Variants in ADCY4 observed in about 807,000 individuals in gnomAD.
The protein encoded by ADCY4 is adenylate cyclase type 4.
ADCY4 carries 111 observed loss-of-function variants against 125.5 expected under a neutral mutation model. That is an observed-to-expected ratio of 0.88 (90% CI 0.76 to 1.04). ADCY4 has a LOEUF of 1.04. Ranked by LOEUF, ADCY4 falls within the 50% of genes least tolerant of loss-of-function variation. ADCY4 has a pLI of 0.00. For missense variants in ADCY4, 1,256 were observed against 1,382.9 expected (o/e 0.91, Z 1.46); for synonymous variants, 576 against 586.9 (o/e 0.98, Z 0.27).
intron 4 of ADCY4, 115 bp downstream of exon 4, chr14:24,331,673 G>A (rs3181256): frequency 0.65 from 873,014 of 1,348,774 alleles, 288,763 homozygotes; most frequent in Middle Eastern, 0.7. Context: ...ATACAAAAGA[G>A]GAAACAGGTC....
In ADCY4 at chr14:24,331,132, G is replaced by T; in HGVS notation, c.819-3C>A. 1 of 1,613,150 alleles carries T rather than the reference G, an allele frequency of 6.2e-7. No homozygotes were observed. The highest frequency in any genetic ancestry group is 8.5e-7 in the Non-Finnish European group (1 of 1,179,218). The stretch of plus-strand genomic sequence containing the variant: ...CCACGATGTCAGCATACAGCACGCT[G>T]CATAGGGCAGACTGTGTCAGCAGGG... On this transcript the variant is annotated splice_polypyrimidine_tract_variant and splice_region_variant and intron_variant, in intron 5 of 24. Coordinates refer to ENST00000418030, the MANE Select transcript of ADCY4 (RefSeq NM_001198568.2).
Position 24,329,740 on chromosome 14 carries a change from T to A in ADCY4, c.1217+120A>T. The A allele has an allele frequency of 5.4e-6, 8 of 1,473,998 alleles. No individual in the cohort carries two copies. The South Asian group carries it at 1.0e-4, about 19-fold the overall frequency. 91.3% of individuals were successfully genotyped at this position (1,473,998 alleles called of 1,614,324 possible). ...GCACCCTAGGATCTCCCAAGCCCCA[T>A]ATGGGACTTATCTTAAGGTACTCAT... On this transcript the variant is annotated intron_variant, in intron 8 of 24. Transcript: ENST00000418030.
At chr14:24,329,820 T>C (rs201212760) in intron 8 of ADCY4, 40 bp downstream of exon 8, 3 of 1,594,782 alleles carry the variant, frequency 1.9e-6, no homozygotes, top group Non-Finnish European at 8.6e-7. Flanking sequence ...GTAGGCCTGG[T>C]TGGCCTTCTG....
chr14:24,318,973 C>G (rs923933805), intron 23 of ADCY4, 125 bp downstream of exon 23: 2 of 1,405,738 alleles, frequency 1.4e-6, no homozygotes, highest in African/African-American at 2.8e-5. Flanking sequence ...CACACCCCAT[C>G]CCAGGGAGTG....
intron 1 of ADCY4, 45 bp downstream of exon 1, chr14:24,334,449 A>G (rs1238833161): frequency 6.6e-7 from 1 of 1,522,790 alleles, no homozygotes; most frequent in East Asian, 2.4e-5. Context: ...AACCCCGAAA[A>G]TGCTCCCCAG....
intron 10 of ADCY4, among the ~76,000 whole-genome samples, chr14:24,327,021 T>C (rs754465373): frequency 6.7e-6 from 1 of 149,932 alleles, no homozygotes; most frequent in South Asian, 2.1e-4. Context: ...CTCAGCCTCC[T>C]GAGTAGCTGG....
rs375121859 is a variant in ADCY4, at chr14:24,334,854, C to A, written c.-202G>T. The A allele has an allele frequency of 9.4e-5, 53 of 561,090 alleles. No homozygotes were observed. The African/African-American group carries it at 1.0e-3, about 11-fold the overall frequency. 34.8% of individuals were successfully genotyped at this position (561,090 alleles called of 1,614,324 possible). On this transcript the variant is annotated 5_prime_UTR_variant, in exon 1 of 25. Transcript: ENST00000418030. Reference sequence around the variant, plus strand: ...CGCTCCCAGCTGGCGATGAGGGGATCCCTCAGTCCTTTCCTCCTCCTCCCT... The same window carrying A: ...CGCTCCCAGCTGGCGATGAGGGGATACCTCAGTCCTTTCCTCCTCCTCCCT...
rs1039413080 is a variant in ADCY4, at chr14:24,319,849, A to G, written c.2626T>C (p.Phe876Leu). ...TCCTTGAAGTCTGGGACTGAGGCGA[A>G]GAGGACACAAACGCATTCATAGGAC... ...HQSYECVCVLFASVPDFKEFY... is the reference protein window; with the variant it reads ...HQSYECVCVLLASVPDFKEFY... The change falls in exon 21 of 25, where the codon TTC becomes CTC. Residue 876 changes from phenylalanine to leucine, a missense_variant. Physicochemically the swap from Phe to Leu is conservative, Grantham distance 22 (BLOSUM62 0). Coordinates refer to ENST00000418030, the MANE Select transcript of ADCY4 (RefSeq NM_001198568.2). This position sits in a 1 kb window ranked among gnomAD's most constrained non-coding sequence, Gnocchi z 4.5. The G allele has an allele frequency of 1.2e-6, 2 of 1,613,946 alleles. No individual in the cohort carries two copies. Among genetic ancestry groups the G allele is most frequent in the African/African-American group, 2.7e-5 (2 of 74,922 alleles).
chr14:24,327,102 G>A lies in ADCY4; in HGVS notation c.1525-760C>T, dbSNP rs141674184. Among the ~76,000 whole-genome samples the A allele has an allele frequency of 4.2e-3, 644 of 152,074 alleles. 2 individuals are homozygous for A. The highest frequency in any genetic ancestry group is 7.4e-3 in the Admixed American group (113 of 15,278). On this transcript the variant is annotated intron_variant, in intron 10 of 24. Coordinates refer to ENST00000418030, the MANE Select transcript of ADCY4 (RefSeq NM_001198568.2). ...AGTAGAGATGGGGTTTCGCCATGTT[G>A]GCCGGGCTGGTCTCAAACTACTGAC...
At chr14:24,326,420 T>A in intron 10 of ADCY4, 78 bp from the exon 11 acceptor site, 1 of 1,526,818 alleles carries the variant, frequency 6.5e-7, no homozygotes, top group Admixed American at 1.7e-5. Context: ...CCACACTGCA[T>A]GCTCTATACA....
rs61741640 is a variant in ADCY4 at position 24,319,110 on chromosome 14, G to A, written c.2944C>T (p.Arg982Cys). 2,446 of 1,613,984 alleles carry A rather than the reference G, an allele frequency of 1.5e-3. 4 individuals are homozygous for A. The highest frequency in any genetic ancestry group is 1.9e-3 in the Non-Finnish European group (2,229 of 1,180,002). Residue 982 changes from arginine to cysteine, a missense_variant, in exon 23 of 25, where the codon CGC becomes TGC. Coordinates refer to ENST00000418030, the MANE Select transcript of ADCY4 (RefSeq NM_001198568.2). This position sits in a 1 kb window ranked among gnomAD's most constrained non-coding sequence, Gnocchi z 4.5. ...VINKHSFNNFRLRVGLNHGPV... is the reference protein window; with the variant it reads ...VINKHSFNNFCLRVGLNHGPV... ...GGAAGTCTCTCACCCACTCGCAGGCGGAAGTTGTTGAATGAATGCTTGTTG... is the reference window on the plus strand; with the variant it reads ...GGAAGTCTCTCACCCACTCGCAGGCAGAAGTTGTTGAATGAATGCTTGTTG...
In ADCY4 at chr14:24,332,935, G is replaced by A. The variant is rs750850502; in HGVS notation, c.213C>T (p.Gly71=). ...AAGCGAGGCCCAGCAGCAGCGAGAA[G>A]CCGCCCAGCGCGCACAGCACAGTGG... ...FLTTVLCALG[G]FSLLLGLASR... Residue 71 remains glycine, a synonymous_variant, in exon 2 of 25, where the codon GGC becomes GGT. Coordinates refer to ENST00000418030, the MANE Select transcript of ADCY4 (RefSeq NM_001198568.2). The A allele has an allele frequency of 6.3e-7, 1 of 1,593,842 alleles. No homozygotes were observed. The highest frequency in any genetic ancestry group is 8.6e-7 in the Non-Finnish European group (1 of 1,168,912).
Position 24,334,491 on chromosome 14 carries a change from C to G in ADCY4, c.159+3G>C, listed in dbSNP as rs758392682. The stretch of plus-strand genomic sequence containing the variant: ...ACCCTCCCGCAGCAGAGGCTCGGCT[C>G]ACCCTGCCGCTGGCCCAGGCCACTG... On this transcript the variant is annotated splice_donor_region_variant and intron_variant, in intron 1 of 24. Transcript: ENST00000418030. 2.5e-6 allele frequency: 4 copies of G among 1,574,194 alleles called. No homozygotes were observed. Among genetic ancestry groups the G allele is most frequent in the Non-Finnish European group, 3.4e-6 (4 of 1,166,858 alleles).
rs377053940 is a variant in ADCY4, at chr14:24,331,062, G to A, written c.886C>T (p.Leu296Phe). The change falls in exon 6 of 25, where the codon CTC (leucine) becomes TTC (phenylalanine). Residue 296 changes from leucine (L) to phenylalanine (F), a missense_variant. Leu to Phe is a conservative substitution (Grantham distance 22). Coordinates refer to ENST00000418030, the MANE Select transcript of ADCY4 (RefSeq NM_001198568.2). ...TTGCCAAAGAGCTCATTGAGCATGAGCACCAGCTCCTTAGGGGAACACTCG... is the reference window on the plus strand; with the variant it reads ...TTGCCAAAGAGCTCATTGAGCATGAACACCAGCTCCTTAGGGGAACACTCG... The part of the protein sequence containing the change: ...ASECSPKELV[L>F]MLNELFGKFD... 6.2e-6 allele frequency: 10 copies of A among 1,612,912 alleles called. No homozygotes were observed. The highest frequency in any genetic ancestry group is 4.5e-5 in the East Asian group (2 of 44,826).
At chr14:24,333,877 C>G (rs1297153279) in intron 1 of ADCY4, among the ~76,000 whole-genome samples, 1 of 152,158 alleles carries the variant, frequency 6.6e-6, no homozygotes, top group Non-Finnish European at 1.5e-5. Context: ...CAAGCAGAAG[C>G]TGCACAGCCG....
intron 20 of ADCY4, among the ~76,000 whole-genome samples, chr14:24,320,505 A>C (rs2041834826): frequency 6.6e-6 from 1 of 152,132 alleles, no homozygotes; most frequent in African/African-American, 2.4e-5. Flanking sequence ...CCAGAAAAGA[A>C]CTACTGATCT....
At chr14:24,333,589 C>T (rs192478699) in intron 1 of ADCY4, among the ~76,000 whole-genome samples, 1 of 152,320 alleles carries the variant, frequency 6.6e-6, no homozygotes, top group Admixed American at 6.5e-5. Context: ...GCTCCCATCC[C>T]CTATTTGTTT....
In ADCY4 at chr14:24,334,572, G is replaced by C. The variant is rs986779078; in HGVS notation, c.81C>G (p.Tyr27Ter). 1 of 1,579,586 alleles carries C rather than the reference G, an allele frequency of 6.3e-7. No homozygotes were observed. Among genetic ancestry groups the C allele is most frequent in the Admixed American group, 1.8e-5 (1 of 55,456 alleles). Residue 27 changes from tyrosine (Y) to a stop codon, truncating the protein, a stop_gained, in exon 1 of 25, where the codon TAC (tyrosine) becomes TAG (stop). Transcript: ENST00000418030. LOFTEE classifies it high-confidence loss of function. ...TCCCCAGCAGCAGCAGCAGCAGCGGGTACTGCTGGCTCAGGCTGTAGTAGG... is the reference window on the plus strand; with the variant it reads ...TCCCCAGCAGCAGCAGCAGCAGCGGCTACTGCTGGCTCAGGCTGTAGTAGG... ...YETYYSLSQQ[Y>*]PLLLLLLGIV...
rs1448206776 is a variant in ADCY4 at position 24,334,487 on chromosome 14, G to A, written c.159+7C>T. ...AGAGACCCTCCCGCAGCAGAGGCTC[G>A]GCTCACCCTGCCGCTGGCCCAGGCC... On this transcript the variant is annotated splice_region_variant and intron_variant, in intron 1 of 24. Transcript: ENST00000418030. 1 of 1,573,614 alleles carries A rather than the reference G, an allele frequency of 6.4e-7. No individual in the cohort carries two copies. The highest frequency in any genetic ancestry group is 1.4e-5 in the African/African-American group (1 of 74,028).
Sources: allele counts gnomAD v4.1 joint callset (sites outside exome capture counted in the v4.1 genomes callset), GRCh38; gene constraint gnomAD v4.1.1; non-coding constraint Gnocchi (gnomAD v3.1); transcripts MANE v1.5; gene names NCBI Gene and HGNC (gene_info 2026-07-23, HGNC 2026-07-21).